CLSTN2: variants seen among roughly 807,000 people sequenced by gnomAD.
The protein encoded by CLSTN2 is calsyntenin-2.
CLSTN2 carries 48 observed loss-of-function variants against 101.2 expected under a neutral mutation model. The ratio of observed to expected loss-of-function variants is 0.47; its 90% confidence interval spans 0.38 to 0.60. CLSTN2 has a LOEUF of 0.60. Ranked by LOEUF, CLSTN2 falls within the 20% of genes least tolerant of loss-of-function variation. The probability of loss-of-function intolerance (pLI) is 0.00; values close to 1 mark genes in which losing one functional copy is unlikely to be tolerated. For missense variants in CLSTN2, 1,160 were observed against 1,238.2 expected (o/e 0.94, Z 0.95); for synonymous variants, 481 against 463.6 (o/e 1.04, Z -0.48).
At chr3:139,973,583 G>A (rs1935755179) in intron 1 of CLSTN2, among the ~76,000 whole-genome samples, 1 of 152,078 alleles carries the variant, frequency 6.6e-6, no homozygotes, top group Non-Finnish European at 1.5e-5. Context: ...CTCTGACCCT[G>A]CCTGGCTGGG....
intron 2 of CLSTN2, among the ~76,000 whole-genome samples, chr3:140,355,806 G>C (rs2087664783): frequency 6.6e-6 from 1 of 152,206 alleles, no homozygotes; most frequent in Non-Finnish European, 1.5e-5. Flanking sequence ...GGACTGTCAT[G>C]TTCAGGATGT....
At chr3:140,440,372 A>T (rs1266283435) in intron 5 of CLSTN2, among the ~76,000 whole-genome samples, 1 of 152,216 alleles carries the variant, frequency 6.6e-6, no homozygotes, top group African/African-American at 2.4e-5. Flanking sequence ...AAATATAGTA[A>T]ATGGAAAAGG....
intron 8 of CLSTN2, among the ~76,000 whole-genome samples, chr3:140,521,342 T>C (rs904249151): frequency 3.9e-5 from 6 of 152,338 alleles, no homozygotes; most frequent in East Asian, 3.9e-4. Flanking sequence ...CTGTTTGTTT[T>C]TCTTTTAACA....
At chr3:140,541,426 G>A (rs1040090214) in intron 9 of CLSTN2, among the ~76,000 whole-genome samples, 3 of 152,204 alleles carry the variant, frequency 2.0e-5, no homozygotes, top group Admixed American at 6.5e-5. Flanking sequence ...TGATTGCAGG[G>A]AGATTTGCAA....
chr3:140,484,486 A>G (rs1934196218), intron 8 of CLSTN2, among the ~76,000 whole-genome samples: 1 of 152,016 alleles, frequency 6.6e-6, no homozygotes, highest in Non-Finnish European at 1.5e-5. Context: ...CATTCTCTGT[A>G]TTTCCTGAAT....
chr3:140,016,559 G>T (rs2007205263), intron 1 of CLSTN2, among the ~76,000 whole-genome samples: 1 of 152,028 alleles, frequency 6.6e-6, no homozygotes. Context: ...CCAGGACTTT[G>T]GGAGGCCGAG....
chr3:139,965,815 G>A (rs1311024979), intron 1 of CLSTN2, among the ~76,000 whole-genome samples: 1 of 152,144 alleles, frequency 6.6e-6, no homozygotes, highest in African/African-American at 2.4e-5. Context: ...GCCCCAGGAT[G>A]GCCCAGTGTT....
chr3:140,436,186 A>G (rs1038568821), intron 5 of CLSTN2, among the ~76,000 whole-genome samples: 4 of 152,082 alleles, frequency 2.6e-5, no homozygotes, highest in Non-Finnish European at 4.4e-5. Context: ...ATTTTTCCCA[A>G]TGTTTTCTGA....
At chr3:140,288,729 G>A (rs1030895743) in intron 2 of CLSTN2, among the ~76,000 whole-genome samples, 6 of 152,284 alleles carry the variant, frequency 3.9e-5, no homozygotes, top group Admixed American at 3.9e-4. Context: ...GCTATGGAAT[G>A]TTCCATTAAC....
At chr3:139,947,584 G>A (rs1449682092) in intron 1 of CLSTN2, among the ~76,000 whole-genome samples, 1 of 152,158 alleles carries the variant, frequency 6.6e-6, no homozygotes, top group African/African-American at 2.4e-5. Context: ...TTTGGAGTAG[G>A]AAAGAAAGCT....
Position 140,344,518 on chromosome 3 carries a change from C to T in CLSTN2, c.233-59111C>T, listed in dbSNP as rs142429607. On this transcript the variant is annotated intron_variant, in intron 2 of 16. Coordinates refer to ENST00000458420, the MANE Select transcript of CLSTN2 (RefSeq NM_022131.3). The stretch of plus-strand genomic sequence containing the variant: ...ACACCCAGTCCCTTTTCTATAAGTG[C>T]CATGGTCTTTCTGGCCTCTAGAGTT... Among the ~76,000 whole-genome samples the T allele has an allele frequency of 3.6e-4, 55 of 152,264 alleles. No homozygotes were observed. The East Asian group carries it at 9.8e-3, about 27-fold the overall frequency.
intron 9 of CLSTN2, among the ~76,000 whole-genome samples, chr3:140,539,871 C>T (rs936262734): frequency 6.6e-6 from 1 of 152,176 alleles, no homozygotes; most frequent in African/African-American, 2.4e-5. Context: ...ACTGCTGGAC[C>T]ACCTCAGCCA....
intron 2 of CLSTN2, among the ~76,000 whole-genome samples, chr3:140,185,268 A>G (rs2010469713): frequency 6.6e-6 from 1 of 152,134 alleles, no homozygotes; most frequent in African/African-American, 2.4e-5. Context: ...AGTGCAAGAC[A>G]GTGGTTCAAA....
intron 8 of CLSTN2, among the ~76,000 whole-genome samples, chr3:140,484,581 C>T (rs1441089678): frequency 6.6e-6 from 1 of 152,150 alleles, no homozygotes; most frequent in Non-Finnish European, 1.5e-5. Context: ...TTCCATTCTC[C>T]CCATCACTTT....
At chr3:140,039,937 G>A (rs2007728516) in intron 1 of CLSTN2, among the ~76,000 whole-genome samples, 1 of 152,058 alleles carries the variant, frequency 6.6e-6, no homozygotes, top group East Asian at 1.9e-4. Context: ...AAGTTATTTT[G>A]AGTTAAATAA....
chr3:140,563,334 G>A lies in CLSTN2; in HGVS notation c.2482+131G>A, dbSNP rs1023836915. On this transcript the variant is annotated intron_variant, in intron 15 of 16. Coordinates refer to ENST00000458420, the MANE Select transcript of CLSTN2 (RefSeq NM_022131.3). ...CTGAGGGAGGGAACCCAGCAATGGAGAAAATGTGCCCTGGCTTTGAGATAC... is the reference window on the plus strand; with the variant it reads ...CTGAGGGAGGGAACCCAGCAATGGAAAAAATGTGCCCTGGCTTTGAGATAC... 19 of 997,538 alleles carry A rather than the reference G, an allele frequency of 1.9e-5. No homozygotes were observed. In the African/African-American group the frequency reaches 3.0e-4, roughly 16 times the overall value. The allele number at this position is 997,538 out of a possible 1,614,324, so 61.8% of individuals were successfully genotyped here. A position where few individuals can be genotyped will look rare whatever the true frequency, so the allele number is the denominator to read the frequency against.
At chr3:140,499,135 C>A (rs913462083) in intron 8 of CLSTN2, among the ~76,000 whole-genome samples, 1 of 152,140 alleles carries the variant, frequency 6.6e-6, no homozygotes, top group Non-Finnish European at 1.5e-5. Flanking sequence ...ATGAGAAAAC[C>A]TACTTTCTAT....
rs997908100 is a variant in CLSTN2, at chr3:140,473,858, C to T, written c.1344+7127C>T. Among the ~76,000 whole-genome samples the T allele has an allele frequency of 2.6e-5, 4 of 151,958 alleles. No homozygotes were observed. In the East Asian group the frequency reaches 7.7e-4, roughly 29 times the overall value. ...CTGTAAGCTCCGCCTCCCGGGCTCA[C>T]GCAATTCTCCTGCCTCAGCCTCCTG... On this transcript the variant is annotated intron_variant, in intron 8 of 16. Transcript: ENST00000458420.
At chr3:140,224,735 A>G (rs913557187) in intron 2 of CLSTN2, among the ~76,000 whole-genome samples, 1 of 152,200 alleles carries the variant, frequency 6.6e-6, no homozygotes, top group African/African-American at 2.4e-5. Context: ...GCAGCCCTCC[A>G]TAAAGACACT....
Sources: allele counts gnomAD v4.1 joint callset (sites outside exome capture counted in the v4.1 genomes callset), GRCh38; gene constraint gnomAD v4.1.1; transcripts MANE v1.5; gene names NCBI Gene and HGNC (gene_info 2026-07-23, HGNC 2026-07-21).